Variants in CRHBP observed in about 807,000 individuals in gnomAD.
CRHBP encodes the protein corticotropin releasing hormone binding protein.
In CRHBP, 19 loss-of-function variants were observed where a neutral mutation model predicts 34.9. The observed-to-expected ratio is 0.55, with a 90% confidence interval of 0.38 to 0.80. CRHBP has a LOEUF of 0.80. Ranked by LOEUF, CRHBP falls within the 30% of genes least tolerant of loss-of-function variation. CRHBP has a pLI of 0.00. For synonymous variants in CRHBP, 154 were observed against 153.4 expected (o/e 1.00, Z -0.03); for missense variants, 328 against 409.2 (o/e 0.80, Z 1.71).
downstream of CRHBP, among the ~76,000 whole-genome samples, chr5:76,970,180 A>C (rs991500192): frequency 2.6e-5 from 4 of 151,916 alleles, no homozygotes; most frequent in Non-Finnish European, 4.4e-5. Context: ...TCCTGACCTC[A>C]AGTGATCTAC....
intron 6 of CRHBP, 28 bp downstream of exon 6, chr5:76,963,488 T>C (rs1745812838): frequency 6.4e-7 from 1 of 1,556,308 alleles, no homozygotes. Context: ...TTGTTATGTA[T>C]GTGCCTATCA....
rs1554043496 is a variant in CRHBP at position 76,975,828 on chromosome 5, A to ATCTATC, written n.312-536_312-535insCTATCT. On this transcript the variant is annotated intron_variant and non_coding_transcript_variant, in intron 2 of 3. Transcript: ENST00000514258. Reference sequence around the variant, plus strand: ...CAAAAAAAAAAAAAAAAAAAAAAATATATATATATATATATATACACGCAT... The same window carrying ATCTATC: ...CAAAAAAAAAAAAAAAAAAAAAAATATCTATCTATATATATATATATATACACGCAT... Among the ~76,000 whole-genome samples the ATCTATC allele has an allele frequency of 6.7e-3, 603 of 89,972 alleles. 18 individuals are homozygous for ATCTATC. Among genetic ancestry groups the ATCTATC allele is most frequent in the African/African-American group, 0.037 (576 of 15,470 alleles). The allele number at this position is 89,972 out of a possible 152,430, so 59.0% of individuals were successfully genotyped here.
intron 2 of CRHBP, among the ~76,000 whole-genome samples, chr5:76,974,711 G>A (rs1745998875): frequency 6.6e-6 from 1 of 152,176 alleles, no homozygotes; most frequent in Non-Finnish European, 1.5e-5. Context: ...TAAGTAGGTT[G>A]AATGGCATCA....
intron 3 of CRHBP, among the ~76,000 whole-genome samples, chr5:76,979,130 C>T (rs1746081986): frequency 6.6e-6 from 1 of 152,138 alleles, no homozygotes; most frequent in Non-Finnish European, 1.5e-5. Context: ...CATTTTTTAG[C>T]AATAAAGTAT....
chr5:76,963,094 A>G, intron 5 of CRHBP: 1 of 410,018 alleles, frequency 2.4e-6, no homozygotes. Flanking sequence ...TTGAGCTTAA[A>G]AAAAATGAAA....
Position 76,968,946 on chromosome 5 carries a change from T to A in CRHBP, c.*61T>A. On this transcript the variant is annotated 3_prime_UTR_variant, in exon 7 of 7. Coordinates refer to ENST00000274368, the MANE Select transcript of CRHBP (RefSeq NM_001882.4). ...GTGAGTTTTTAATGGCCATTGTGTA[T>A]GATTTTGATGCACAACTAGTTAAAA... The A allele has an allele frequency of 6.4e-7, 1 of 1,570,378 alleles. No individual in the cohort carries two copies. The highest frequency in any genetic ancestry group is 8.7e-7 in the Non-Finnish European group (1 of 1,152,298).
chr5:76,978,850 A>G lies in CRHBP; in HGVS notation n.468-2111A>G, dbSNP rs1315659617. ...ACATAAACTTAGTTGATAAAGCAGC[A>G]GCAGAGTTTGATAAAATTAACTCTA... On this transcript the variant is annotated intron_variant and non_coding_transcript_variant, in intron 3 of 3. Transcript: ENST00000514258. Among the ~76,000 whole-genome samples the G allele has an allele frequency of 3.9e-5, 6 of 152,384 alleles. No homozygotes were observed. The East Asian group carries it at 1.2e-3, about 29-fold the overall frequency.
At chr5:76,971,905 C>T (rs74743117), downstream of CRHBP, among the ~76,000 whole-genome samples, 1,885 of 152,282 alleles carry the variant, frequency 0.012, 43 homozygotes, top group African/African-American at 0.042. Context: ...TTTCTGAATA[C>T]CAATTAGGGG....
intron 4 of CRHBP, 123 bp from the exon 5 acceptor site, chr5:76,958,618 C>A: frequency 1.8e-6 from 2 of 1,109,436 alleles, no homozygotes; most frequent in Non-Finnish European, 2.5e-6. Context: ...TATATATGCT[C>A]TCTTCCTGGG....
rs774799876 is a variant in CRHBP, at chr5:76,962,622, GAAA to G, written c.694-709_694-707del. On this transcript the variant is annotated intron_variant, in intron 5 of 6. Transcript: ENST00000274368. ...ATCAAGGACCCATCTCTACAAAATTGAAAAAAAAAAAAAAGGGGGAAGCAGGAA... is the reference window on the plus strand; with the variant it reads ...ATCAAGGACCCATCTCTACAAAATTGAAAAAAAAAAAGGGGGAAGCAGGAA... Among the ~76,000 whole-genome samples the G allele has an allele frequency of 2.2e-4, 27 of 120,612 alleles. 1 individual carries two copies. The highest frequency in any genetic ancestry group is 6.9e-4 in the African/African-American group (23 of 33,278). 79.1% of individuals were successfully genotyped at this position (120,612 alleles called of 152,430 possible). A position where few individuals can be genotyped will look rare whatever the true frequency, so the allele number is the denominator to read the frequency against.
chr5:76,966,254 G>A (rs1372657881), intron 6 of CRHBP, among the ~76,000 whole-genome samples: 1 of 152,150 alleles, frequency 6.6e-6, no homozygotes, highest in African/African-American at 2.4e-5. Context: ...CTGACCTCAG[G>A]TGATCTGCCC....
exon 3 of CRHBP, chr5:76,976,426 G>A (rs911973616): frequency 6.6e-6 from 1 of 152,204 alleles, no homozygotes; most frequent in Non-Finnish European, 1.5e-5. Flanking sequence ...GATGAGAGAT[G>A]GATGGGCCCA....
chr5:76,975,545 G>A (rs1436345927), intron 2 of CRHBP, among the ~76,000 whole-genome samples: 2 of 151,910 alleles, frequency 1.3e-5, no homozygotes, highest in African/African-American at 2.4e-5. Context: ...GCTCATACCT[G>A]TAATCCCAAC....
chr5:76,980,017 C>T (rs1007441892), intron 3 of CRHBP, among the ~76,000 whole-genome samples: 12 of 148,920 alleles, frequency 8.1e-5, no homozygotes, highest in East Asian at 4.1e-4. Context: ...TTTGGGAGGC[C>T]GAGGCGGGCG....
At chr5:76,975,407 TCA>T (rs1746009765) in intron 2 of CRHBP, among the ~76,000 whole-genome samples, 1 of 152,146 alleles carries the variant, frequency 6.6e-6, no homozygotes, top group Non-Finnish European at 1.5e-5. Flanking sequence ...AACTTATAAA[TCA>T]GTCATTAATT....
chr5:76,969,934 C>CTTTTTTTTTTTTTTTTTT (rs201228247), downstream of CRHBP, among the ~76,000 whole-genome samples: 1 of 61,628 alleles, frequency 1.6e-5, no homozygotes, highest in African/African-American at 6.7e-5. Context: ...AAAGAAAATT[C>CTTTTTTTTTTTTTTTTTT]TTTTTTTTTT....
intron 6 of CRHBP, among the ~76,000 whole-genome samples, chr5:76,964,875 A>T (rs1350946624): frequency 2.0e-5 from 3 of 151,748 alleles, no homozygotes; most frequent in African/African-American, 4.8e-5. Context: ...TGTCTCAAAA[A>T]ATATATATAT....
At chr5:76,963,222 A>C in intron 5 of CRHBP, 121 bp from the exon 6 acceptor site, 1 of 685,170 alleles carries the variant, frequency 1.5e-6, no homozygotes, top group South Asian at 2.0e-5. Context: ...ATGTTAAATT[A>C]AATGGTATTG....
In CRHBP at chr5:76,954,034, C is replaced by G. The variant is rs1745623387; in HGVS notation, c.181C>G (p.Leu61Val). 2 of 1,613,056 alleles carry G rather than the reference C, an allele frequency of 1.2e-6. No homozygotes were observed. Among genetic ancestry groups the G allele is most frequent in the Non-Finnish European group, 1.7e-6 (2 of 1,179,564 alleles). The change falls in exon 3 of 7, where the codon CTG becomes GTG. Residue 61 changes from leucine (L) to valine (V), a missense_variant. Leu to Val is a conservative substitution (Grantham distance 32, BLOSUM62 1). This residue lies in a region of CRHBP where 173 missense variants were observed against 172.2 expected (regional missense o/e 1.00). Transcript: ENST00000274368. ...EQPYRRALRC[L>V]DMLSLQGQFT... ...CCCATGCCCTCCTCCCCCAGGGTGC[C>G]TGGACATGCTGAGCCTCCAGGGCCA...
Sources: allele counts gnomAD v4.1 joint callset (sites outside exome capture counted in the v4.1 genomes callset), GRCh38; gene constraint gnomAD v4.1.1; regional missense constraint gnomAD v4.1.1; transcripts MANE v1.5; gene names NCBI Gene and HGNC (gene_info 2026-07-23, HGNC 2026-07-21).